The following PARD3B variants were observed in gnomAD, a reference collection of about 807,000 sequenced individuals.
PARD3B encodes partitioning defective 3 homolog B.
A neutral mutation model predicts 130.2 loss-of-function variants in PARD3B; 103 were observed. The ratio of observed to expected loss-of-function variants is 0.79; its 90% confidence interval spans 0.67 to 0.93. The LOEUF (loss-of-function observed/expected upper bound fraction) is 0.93. Among genes scored for constraint, PARD3B ranks in the 40% least tolerant of loss-of-function variants. PARD3B has a pLI of 0.00. For missense variants in PARD3B, 1,609 were observed against 1,499.2 expected (o/e 1.07, Z -1.21); for synonymous variants, 583 against 553.2 (o/e 1.05, Z -0.76).
At chr2:205,106,024 G>A (rs1031753593) in intron 5 of PARD3B, among the ~76,000 whole-genome samples, 3 of 151,988 alleles carry the variant, frequency 2.0e-5, no homozygotes, top group Non-Finnish European at 4.4e-5. Context: ...TAGCATCATA[G>A]AGTCAACATT....
At chr2:205,162,982 C>A (rs1464949906) in intron 11 of PARD3B, among the ~76,000 whole-genome samples, 1 of 152,106 alleles carries the variant, frequency 6.6e-6, no homozygotes, top group African/African-American at 2.4e-5. Flanking sequence ...CATCTATGGA[C>A]TACACTTCCT....
intron 21 of PARD3B, among the ~76,000 whole-genome samples, chr2:205,533,564 GT>G (rs1039360656): frequency 1.3e-5 from 2 of 152,036 alleles, no homozygotes; most frequent in Admixed American, 6.6e-5. Flanking sequence ...ATTTTAAAAA[GT>G]TTTTTTATCA....
intron 2 of PARD3B, among the ~76,000 whole-genome samples, chr2:204,750,217 A>G (rs2040405847): frequency 1.3e-5 from 2 of 152,216 alleles, no homozygotes; most frequent in African/African-American, 4.8e-5. Flanking sequence ...CTATCACTTT[A>G]GAGCTTTGAG....
At chr2:204,875,908 C>T (rs1404966637) in intron 2 of PARD3B, among the ~76,000 whole-genome samples, 1 of 152,174 alleles carries the variant, frequency 6.6e-6, no homozygotes, top group African/African-American at 2.4e-5. Flanking sequence ...CTTTCGGGTT[C>T]TCACTGGGGA....
chr2:204,550,412 CTGTGTGTGTGTGTGTGTGTGTG>C (rs3051346), intron 1 of PARD3B, among the ~76,000 whole-genome samples: 2 of 144,300 alleles, frequency 1.4e-5, no homozygotes, highest in Non-Finnish European at 1.5e-5. Context: ...GGAGGGCTGA[CTGTGTGTGTGTGTGTGTGTGTG>C]TGTGTGTGTG....
At position 204,993,900 on chromosome 2, in the gene PARD3B, G is replaced by T. The variant is rs1282747030; in HGVS notation, c.394+28577G>T. On this transcript the variant is annotated intron_variant, in intron 3 of 22. Coordinates refer to ENST00000406610, the MANE Select transcript of PARD3B (RefSeq NM_001302769.2). Reference sequence around the variant, plus strand: ...TTGTAGTATTCTCTGATGGTAGTTTGTATTTCTGTGGGATCGGTGGTGATA... The same window carrying T: ...TTGTAGTATTCTCTGATGGTAGTTTTTATTTCTGTGGGATCGGTGGTGATA... Among the ~76,000 whole-genome samples, 247 of 151,626 alleles carry T rather than the reference G, an allele frequency of 1.6e-3. 1 individual carries two copies. The highest frequency in any genetic ancestry group is 5.5e-3 in the African/African-American group (228 of 41,466).
chr2:205,401,275 C>A (rs769296413), intron 19 of PARD3B, 152 bp downstream of exon 19: 105 of 586,794 alleles, frequency 1.8e-4, no homozygotes, highest in Non-Finnish European at 2.6e-4. Flanking sequence ...AAAGAACCTC[C>A]CTTTCTGGAA....
chr2:205,554,139 G>C (rs1332619940), intron 22 of PARD3B, among the ~76,000 whole-genome samples: 1 of 152,200 alleles, frequency 6.6e-6, no homozygotes, highest in Admixed American at 6.5e-5. Flanking sequence ...TGAGGTGAGA[G>C]TATGAGAATT....
chr2:204,773,056 G>A (rs900663907), intron 2 of PARD3B, among the ~76,000 whole-genome samples: 3 of 151,924 alleles, frequency 2.0e-5, no homozygotes, highest in Non-Finnish European at 4.4e-5. Flanking sequence ...AGAATTTTGT[G>A]TAATTGATAT....
intron 21 of PARD3B, among the ~76,000 whole-genome samples, chr2:205,527,817 T>TA (rs2051405572): frequency 6.6e-6 from 1 of 152,206 alleles, no homozygotes; most frequent in Admixed American, 6.5e-5. Context: ...GATCAAGACA[T>TA]ACCATATTCA....
At chr2:205,524,560 C>G (rs2051248877) in intron 21 of PARD3B, among the ~76,000 whole-genome samples, 1 of 152,188 alleles carries the variant, frequency 6.6e-6, no homozygotes, top group Non-Finnish European at 1.5e-5. Flanking sequence ...TTGCCTGTGG[C>G]TGTGTCTGCC....
At chr2:204,581,518 G>C (rs992448355) in intron 1 of PARD3B, among the ~76,000 whole-genome samples, 1 of 151,900 alleles carries the variant, frequency 6.6e-6, no homozygotes, top group East Asian at 1.9e-4. Context: ...GGTATAAAAA[G>C]AATTCTGACA....
intron 1 of PARD3B, among the ~76,000 whole-genome samples, chr2:204,578,842 G>A (rs541823363): frequency 3.9e-5 from 6 of 152,068 alleles, no homozygotes; most frequent in Middle Eastern, 3.2e-3. Context: ...TGTTTATTCC[G>A]TGAGAGAGGT....
intron 22 of PARD3B, among the ~76,000 whole-genome samples, chr2:205,594,802 T>A (rs926214994): frequency 2.6e-5 from 4 of 152,188 alleles, no homozygotes; most frequent in African/African-American, 9.7e-5. Context: ...TACCCTGACA[T>A]ATCAGTGTAG....
chr2:204,984,677 T>C lies in PARD3B; in HGVS notation c.394+19354T>C, dbSNP rs140659161. 6.5e-3 allele frequency among the ~76,000 whole-genome samples: 982 copies of C among 152,186 alleles called. 14 individuals are homozygous for C. Among genetic ancestry groups the C allele is most frequent in the African/African-American group, 0.021 (881 of 41,506 alleles). The stretch of plus-strand genomic sequence containing the variant: ...TTTGTAGGAGGGGCTTTCTCCTCTT[T>C]GAGGAGCCAGATGTCATGGTTAGGA... On this transcript the variant is annotated intron_variant, in intron 3 of 22. Coordinates refer to ENST00000406610, the MANE Select transcript of PARD3B (RefSeq NM_001302769.2).
chr2:204,954,515 G>A (rs1199094919), intron 2 of PARD3B, among the ~76,000 whole-genome samples: 3 of 152,198 alleles, frequency 2.0e-5, no homozygotes, highest in Non-Finnish European at 4.4e-5. Context: ...TAACCAGTCT[G>A]GTGAAATGTA....
chr2:204,795,501 C>T (rs1051678206), intron 2 of PARD3B, among the ~76,000 whole-genome samples: 5 of 152,134 alleles, frequency 3.3e-5, no homozygotes, highest in Non-Finnish European at 5.9e-5. Context: ...AAATGTTCAA[C>T]AGAAGGGTCA....
chr2:204,777,554 A>G (rs1270313121), intron 2 of PARD3B, among the ~76,000 whole-genome samples: 2 of 152,154 alleles, frequency 1.3e-5, no homozygotes, highest in Non-Finnish European at 2.9e-5. Flanking sequence ...GGATCACTTG[A>G]ATCCAGACTT....
In PARD3B at chr2:205,269,896, A is replaced by C. The variant is rs115377200; in HGVS notation, c.2185+24074A>C. Reference sequence around the variant, plus strand: ...CCTAATTCACCAATATCAGTATAACATGTAATTTTTTCCCTAGAATACAGC... The same window carrying C: ...CCTAATTCACCAATATCAGTATAACCTGTAATTTTTTCCCTAGAATACAGC... On this transcript the variant is annotated intron_variant, in intron 16 of 22. Coordinates refer to ENST00000406610, the MANE Select transcript of PARD3B (RefSeq NM_001302769.2). The surrounding 1 kb of genome is among the most constrained non-coding windows in gnomAD (Gnocchi z 4.7). 3.5e-3 allele frequency among the ~76,000 whole-genome samples: 529 copies of C among 152,270 alleles called. 3 individuals are homozygous for C. The highest frequency in any genetic ancestry group is 0.012 in the African/African-American group (507 of 41,552).
Sources: allele counts gnomAD v4.1 joint callset (sites outside exome capture counted in the v4.1 genomes callset), GRCh38; gene constraint gnomAD v4.1.1; non-coding constraint Gnocchi (gnomAD v3.1); transcripts MANE v1.5; gene names NCBI Gene and HGNC (gene_info 2026-07-23, HGNC 2026-07-21).